VRTN: variants seen among roughly 807,000 people sequenced by gnomAD.
The protein encoded by VRTN is vertnin.
In VRTN, 5 loss-of-function variants were observed where a neutral mutation model predicts 18.2. That is an observed-to-expected ratio of 0.27 (90% CI 0.14 to 0.58). VRTN has a LOEUF of 0.58. VRTN is among the 20% of genes least tolerant of loss of function. The pLI is 0.91. For missense variants in VRTN, 741 were observed against 939.4 expected, an observed-to-expected ratio of 0.79 and a Z score of 2.76; for synonymous variants, 381 against 393.7, an observed-to-expected ratio of 0.97 and a Z score of 0.38.
intron 1 of VRTN, among the ~76,000 whole-genome samples, chr14:74,335,280 C>A (rs540408389): frequency 1.3e-5 from 2 of 152,222 alleles, no homozygotes; most frequent in South Asian, 2.1e-4. Context: ...GAAAGAATAA[C>A]CATAACTGGA....
chr14:74,355,423 G>A (rs183010877), intron 1 of VRTN, among the ~76,000 whole-genome samples: 5 of 152,122 alleles, frequency 3.3e-5, no homozygotes, highest in African/African-American at 4.8e-5. Flanking sequence ...ATCATACCTC[G>A]GGTTGCAGCA....
intron 1 of VRTN, among the ~76,000 whole-genome samples, chr14:74,326,629 C>T (rs2085489168): frequency 6.6e-6 from 1 of 152,112 alleles, no homozygotes; most frequent in South Asian, 2.1e-4. Flanking sequence ...TTGCCCCTTC[C>T]CCCACCTTTT....
chr14:74,353,868 G>A (rs764931007), intron 1 of VRTN, among the ~76,000 whole-genome samples: 4 of 151,936 alleles, frequency 2.6e-5, no homozygotes, highest in South Asian at 2.1e-4. Flanking sequence ...GACTAGAGGC[G>A]CCCGCCAGCG....
intron 1 of VRTN, among the ~76,000 whole-genome samples, chr14:74,334,799 A>G (rs889581181): frequency 2.6e-5 from 4 of 152,206 alleles, no homozygotes; most frequent in African/African-American, 7.2e-5. Flanking sequence ...ATCATCTTGC[A>G]TACTCCCAGG....
At chr14:74,307,964 G>C (rs967462750) in intron 1 of VRTN, among the ~76,000 whole-genome samples, 1 of 152,128 alleles carries the variant, frequency 6.6e-6, no homozygotes, top group Non-Finnish European at 1.5e-5. Flanking sequence ...TCCTGATCTT[G>C]TGATCTACCT....
intron 1 of VRTN, among the ~76,000 whole-genome samples, chr14:74,329,797 G>A (rs1444943324): frequency 6.6e-6 from 1 of 151,450 alleles, no homozygotes; most frequent in Non-Finnish European, 1.5e-5. Flanking sequence ...AGCTGGTCTC[G>A]AACTCCTGAC....
chr14:74,358,748 C>A lies in VRTN; in HGVS notation c.1965C>A (p.Ala655=). The change falls in exon 2 of 2, where the codon GCC becomes GCA. Residue 655 remains alanine (A), a synonymous_variant. Coordinates refer to ENST00000256362, the MANE Select transcript of VRTN (RefSeq NM_018228.3). The surrounding 1 kb of genome is among the most constrained non-coding windows in gnomAD (Gnocchi z 5.4). ...MIATTKFKAQ[A]KLFLQKRFQS... Reference sequence around the variant, plus strand: ...CTACCACGAAGTTCAAGGCCCAGGCCAAGCTGTTCTTGCAGAAGCGCTTCC... The same window carrying A: ...CTACCACGAAGTTCAAGGCCCAGGCAAAGCTGTTCTTGCAGAAGCGCTTCC... The A allele has an allele frequency of 6.2e-7, 1 of 1,614,242 alleles. No homozygotes were observed. The highest frequency in any genetic ancestry group is 8.5e-7 in the Non-Finnish European group (1 of 1,180,046).
At chr14:74,328,585 G>A (rs1204622769) in intron 1 of VRTN, among the ~76,000 whole-genome samples, 1 of 152,178 alleles carries the variant, frequency 6.6e-6, no homozygotes, top group Non-Finnish European at 1.5e-5. Context: ...TCAGTTGCAA[G>A]GGATTGCTTA....
chr14:74,353,421 C>T (rs2085700505), intron 1 of VRTN, among the ~76,000 whole-genome samples: 1 of 152,156 alleles, frequency 6.6e-6, no homozygotes, highest in Non-Finnish European at 1.5e-5. Flanking sequence ...GTATTAGTGT[C>T]AGGATTAGGA....
Position 74,311,706 on chromosome 14 carries a change from G to A in VRTN, c.-164+8530G>A, listed in dbSNP as rs1447983927. 6.0e-5 allele frequency among the ~76,000 whole-genome samples: 9 copies of A among 149,662 alleles called. No homozygotes were observed. In the South Asian group the frequency reaches 8.5e-4, roughly 14 times the overall value. ...ATTATAGGGGTGAGCCACCGCTCCC[G>A]GCCGCAGCTTTCTTTTTACACTTTG... On this transcript the variant is annotated intron_variant, in intron 1 of 2. Transcript: ENST00000557177.
chr14:74,308,276 C>A (rs1788468482), intron 1 of VRTN, among the ~76,000 whole-genome samples: 1 of 152,046 alleles, frequency 6.6e-6, no homozygotes, highest in African/African-American at 2.4e-5. Context: ...AATTGGGATC[C>A]AAATAAGGTC....
At chr14:74,310,464 G>A (rs555323222) in intron 1 of VRTN, among the ~76,000 whole-genome samples, 2 of 150,322 alleles carry the variant, frequency 1.3e-5, no homozygotes, top group South Asian at 2.1e-4. Context: ...CCTCAGAGCC[G>A]GATTGCATGG....
intron 1 of VRTN, among the ~76,000 whole-genome samples, chr14:74,331,544 T>TATATATATATATATA (rs1555411068): frequency 4.6e-5 from 2 of 43,448 alleles, no homozygotes; most frequent in Non-Finnish European, 9.7e-5. Flanking sequence ...AAAAAAAATT[T>TATATATATATATATA]TATATATATA....
chr14:74,358,311 C>T lies in VRTN; in HGVS notation c.1528C>T (p.Arg510Cys), dbSNP rs139474205. The change falls in exon 2 of 2, where the codon CGT becomes TGT. Residue 510 changes from arginine to cysteine, a missense_variant. Transcript: ENST00000256362. This position sits in a 1 kb window ranked among gnomAD's most constrained non-coding sequence, Gnocchi z 5.4. ...GATGCCCCTGTCCCGTTGGCAGAGG[C>T]GTCTGCGCAGGGCTGCCCGCAGGCA... is the stretch of plus-strand genomic sequence containing the variant. ...LRMPLSRWQRRLRRAARRQVL... is the reference protein window; with the variant it reads ...LRMPLSRWQRCLRRAARRQVL... 126 of 1,611,336 alleles carry T rather than the reference C, an allele frequency of 7.8e-5. No homozygotes were observed. In the East Asian group the frequency reaches 1.3e-3, roughly 17 times the overall value.
Position 74,358,097 on chromosome 14 carries a change from T to C in VRTN, c.1314T>C (p.Asn438=), listed in dbSNP as rs538616006. 24 of 1,614,180 alleles carry C rather than the reference T, an allele frequency of 1.5e-5. No homozygotes were observed. In the East Asian group the frequency reaches 2.0e-4, roughly 13 times the overall value. ...FPGISRSTYY[N]WRRKALRRNP... is the part of the protein sequence containing the mutation. Reference sequence around the variant, plus strand: ...GCATCTCACGGTCCACTTATTATAATTGGCGGCGAAAGGCCCTCCGGAGGA... The same window carrying C: ...GCATCTCACGGTCCACTTATTATAACTGGCGGCGAAAGGCCCTCCGGAGGA... The change falls in exon 2 of 2, where the codon AAT becomes AAC. Residue 438 remains asparagine, a synonymous_variant. Coordinates refer to ENST00000256362, the MANE Select transcript of VRTN (RefSeq NM_018228.3). The surrounding 1 kb of genome is among the most constrained non-coding windows in gnomAD (Gnocchi z 5.4).
At position 74,325,289 on chromosome 14, in the gene VRTN, T is replaced by C. The variant is rs1348590699; in HGVS notation, c.-163-12434T>C. 2.0e-5 allele frequency among the ~76,000 whole-genome samples: 3 copies of C among 151,872 alleles called. No individual in the cohort carries two copies. In the East Asian group the frequency reaches 5.8e-4, roughly 29 times the overall value. ...AACGCAGATTTGGGAATATGGTATA[T>C]AGAAGGAAAAAGAGACTTTGTATGT... On this transcript the variant is annotated intron_variant, in intron 1 of 2. Coordinates refer to the VRTN transcript ENST00000557177.
intron 1 of VRTN, among the ~76,000 whole-genome samples, chr14:74,315,789 A>G (rs2085416035): frequency 6.6e-6 from 1 of 152,180 alleles, no homozygotes; most frequent in Admixed American, 6.5e-5. Context: ...GAGATTGCAT[A>G]TTGGTAGGGA....
intron 1 of VRTN, among the ~76,000 whole-genome samples, chr14:74,337,174 C>G (rs1311579349): frequency 1.3e-5 from 2 of 151,990 alleles, no homozygotes; most frequent in African/African-American, 4.8e-5. Flanking sequence ...GAAACCCAGT[C>G]TCTACTAAAA....
chr14:74,357,227 GC>G lies in VRTN; in HGVS notation c.450del (p.Ala151ProfsTer224). 6.2e-7 allele frequency: 1 copy of G among 1,612,826 alleles called. No individual in the cohort carries two copies. ...SEESPEMTSL[P>X]PATLEAIFDA... Reference sequence around the variant, plus strand: ...AGGAGTCCCCTGAGATGACCAGCTTGCCCCCCGCCACGCTGGAGGCCATCTT... The same window carrying G: ...AGGAGTCCCCTGAGATGACCAGCTTGCCCCCGCCACGCTGGAGGCCATCTT... On this transcript the variant is annotated frameshift_variant, in exon 2 of 2. Transcript: ENST00000256362. LOFTEE classifies it high-confidence loss of function. This position sits in a 1 kb window ranked among gnomAD's most constrained non-coding sequence, Gnocchi z 7.8.
Sources: allele counts gnomAD v4.1 joint callset (sites outside exome capture counted in the v4.1 genomes callset), GRCh38; gene constraint gnomAD v4.1.1; non-coding constraint Gnocchi (gnomAD v3.1); transcripts MANE v1.5; gene names NCBI Gene and HGNC (gene_info 2026-07-23, HGNC 2026-07-21).